ITGA8: variants seen among roughly 807,000 people sequenced by gnomAD.
ITGA8 encodes the protein integrin subunit alpha 8.
A neutral mutation model predicts 142.3 loss-of-function variants in ITGA8; 91 were observed. The ratio of observed to expected loss-of-function variants is 0.64; its 90% CI spans 0.54 to 0.76. The LOEUF (loss-of-function observed/expected upper bound fraction) is 0.76. Among genes scored for constraint, ITGA8 ranks in the 30% least tolerant of loss-of-function variants. The pLI is 0.00. For synonymous variants in ITGA8, 505 were observed against 485.2 expected (o/e 1.04, Z -0.54); for missense variants, 1,406 against 1,327.7 (o/e 1.06, Z -0.92).
intron 4 of ITGA8, among the ~76,000 whole-genome samples, chr10:15,680,267 G>A (rs928806315): frequency 1.7e-4 from 18 of 107,244 alleles, no homozygotes; most frequent in Non-Finnish European, 2.7e-4. Flanking sequence ...TCCCTCTGTT[G>A]CCCAGGCTGG....
chr10:15,572,124 T>G (rs1834195927), intron 25 of ITGA8, 87 bp downstream of exon 25: 1 of 1,172,240 alleles, frequency 8.5e-7, no homozygotes, highest in East Asian at 2.4e-5. Context: ...ACGATTTCAC[T>G]CTTCTTTTTT....
chr10:15,580,853 G>T (rs1588656696), intron 23 of ITGA8, among the ~76,000 whole-genome samples: 1 of 152,180 alleles, frequency 6.6e-6, no homozygotes, highest in Non-Finnish European at 1.5e-5. Flanking sequence ...TGGTTTTCTT[G>T]TAAAATTGAA....
intron 25 of ITGA8, among the ~76,000 whole-genome samples, chr10:15,568,455 G>C (rs545495701): frequency 6.6e-6 from 1 of 152,236 alleles, no homozygotes; most frequent in East Asian, 1.9e-4. Context: ...GGGACATTAG[G>C]GTAGCTTGCT....
At chr10:15,626,580 G>C (rs1455849634) in intron 13 of ITGA8, among the ~76,000 whole-genome samples, 1 of 152,044 alleles carries the variant, frequency 6.6e-6, no homozygotes, top group Non-Finnish European at 1.5e-5. Context: ...GTGTATATCT[G>C]CACCCTCGAT....
chr10:15,691,861 A>ATGAATAAGTTTATTAGCT (rs1169058645), intron 2 of ITGA8, among the ~76,000 whole-genome samples: 1 of 152,230 alleles, frequency 6.6e-6, no homozygotes, highest in African/African-American at 2.4e-5. Flanking sequence ...ATGCTAGGTA[A>ATGAATAAGTTTATTAGCT]TGAATATGTT....
At chr10:15,550,226 C>T (rs369438306) in intron 26 of ITGA8, among the ~76,000 whole-genome samples, 49 of 152,310 alleles carry the variant, frequency 3.2e-4, no homozygotes, top group African/African-American at 1.1e-3. Context: ...TGTGAGGACT[C>T]CCTAGCCATG....
Position 15,517,246 on chromosome 10 carries a change from T to C in ITGA8, c.3106-2A>G, listed in dbSNP as rs773555839. The C allele has an allele frequency of 1.2e-6, 2 of 1,601,322 alleles. No individual in the cohort carries two copies. The highest frequency in any genetic ancestry group is 1.7e-6 in the Non-Finnish European group (2 of 1,172,408). ...TCTGGCTCTGTCAAAGAATCCACACTATAAAGGGAAAGATGGGCTATAAAA... is the reference window on the plus strand; with the variant it reads ...TCTGGCTCTGTCAAAGAATCCACACCATAAAGGGAAAGATGGGCTATAAAA... On this transcript the variant is annotated splice_acceptor_variant, in intron 29 of 29. Transcript: ENST00000378076. LOFTEE classifies it high-confidence loss of function.
Position 15,694,678 on chromosome 10 carries a change from CATATATAT to C in ITGA8, c.344-6648_344-6641del, listed in dbSNP as rs71374639. ...TATATATTATATCTATATTTGTCGA[CATATATAT>C]ATATATATATATATATGTCGACATA... On this transcript the variant is annotated intron_variant, in intron 2 of 29. Coordinates refer to ENST00000378076, the MANE Select transcript of ITGA8 (RefSeq NM_003638.3). Among the ~76,000 whole-genome samples, 16 of 77,510 alleles carry C rather than the reference CATATATAT, an allele frequency of 2.1e-4. 1 individual carries two copies. In the East Asian group the frequency reaches 2.1e-3, roughly 10 times the overall value. 50.8% of individuals were successfully genotyped at this position (77,510 alleles called of 152,430 possible).
rs1347284060 is a variant in ITGA8, at chr10:15,655,417, A to G, written c.949-11T>C. ...AAAATAAGATGCCATCTGCAAAGGA[A>G]AATCAGGAGATGACATTTTGTGTCC... is the stretch of plus-strand genomic sequence containing the variant. On this transcript the variant is annotated splice_polypyrimidine_tract_variant and intron_variant, in intron 10 of 29. Transcript: ENST00000378076. 2 of 1,602,080 alleles carry G rather than the reference A, an allele frequency of 1.2e-6. No individual in the cohort carries two copies. Among genetic ancestry groups the G allele is most frequent in the Non-Finnish European group, 1.7e-6 (2 of 1,169,940 alleles).
chr10:15,599,283 T>C (rs577665272), intron 20 of ITGA8, among the ~76,000 whole-genome samples: 1 of 152,250 alleles, frequency 6.6e-6, no homozygotes, highest in South Asian at 2.1e-4. Flanking sequence ...TTCTAGATTA[T>C]TTTCCTCTGC....
chr10:15,695,448 G>A (rs764910207), intron 2 of ITGA8, among the ~76,000 whole-genome samples: 11 of 152,120 alleles, frequency 7.2e-5, no homozygotes, highest in African/African-American at 2.4e-4. Context: ...CTGAAGGTGC[G>A]CTTTCCCTAA....
chr10:15,703,084 T>C (rs1247064135), intron 2 of ITGA8, among the ~76,000 whole-genome samples: 2 of 152,234 alleles, frequency 1.3e-5, no homozygotes, highest in East Asian at 1.9e-4. Flanking sequence ...AAGTTTCATA[T>C]ATAATCGAAT....
At chr10:15,704,831 G>A (rs907057023) in intron 2 of ITGA8, among the ~76,000 whole-genome samples, 2 of 152,148 alleles carry the variant, frequency 1.3e-5, no homozygotes, top group Non-Finnish European at 2.9e-5. Flanking sequence ...TGGGTTTCAC[G>A]ATGAAGGCTG....
chr10:15,693,102 A>T (rs1834964665), intron 2 of ITGA8, among the ~76,000 whole-genome samples: 1 of 152,152 alleles, frequency 6.6e-6, no homozygotes, highest in Admixed American at 6.5e-5. Flanking sequence ...AAAGCAAAAC[A>T]TGCATGTTTT....
chr10:15,580,524 G>A (rs1834389581), intron 23 of ITGA8, among the ~76,000 whole-genome samples: 1 of 152,070 alleles, frequency 6.6e-6, no homozygotes, highest in African/African-American at 2.4e-5. Context: ...AGATGTAAAA[G>A]TCACTAACAA....
intron 20 of ITGA8, among the ~76,000 whole-genome samples, chr10:15,598,789 T>C (rs1431093555): frequency 6.6e-6 from 1 of 152,190 alleles, no homozygotes. Context: ...TCACTAATAT[T>C]TGGAGGCACA....
At chr10:15,533,789 C>T (rs1177671488) in intron 27 of ITGA8, among the ~76,000 whole-genome samples, 4 of 152,164 alleles carry the variant, frequency 2.6e-5, no homozygotes, top group Admixed American at 6.5e-5. Context: ...CATTTGAACT[C>T]TAGGATGTAG....
intron 20 of ITGA8, among the ~76,000 whole-genome samples, chr10:15,598,602 C>A (rs1463681257): frequency 6.6e-6 from 1 of 152,136 alleles, no homozygotes; most frequent in Non-Finnish European, 1.5e-5. Context: ...CAAACTTGGA[C>A]ACAAAGTAAG....
intron 8 of ITGA8, among the ~76,000 whole-genome samples, chr10:15,664,522 T>C (rs1001664698): frequency 2.6e-5 from 4 of 151,418 alleles, no homozygotes; most frequent in African/African-American, 9.7e-5. Flanking sequence ...TTCCACATTT[T>C]ATTATTATTA....
Sources: gnomAD v4.1 joint callset for allele counts (sites outside exome capture counted in the v4.1 genomes callset) on GRCh38, gnomAD v4.1.1 for gene constraint, MANE v1.5 for transcripts, NCBI Gene and HGNC (gene_info 2026-07-23, HGNC 2026-07-21) for gene names.